The following HPSE2 variants were observed in gnomAD, a reference collection of about 807,000 sequenced individuals.
HPSE2 encodes the protein inactive heparanase-2.
HPSE2 carries 38 observed loss-of-function variants against 60.5 expected under a neutral mutation model. The observed-to-expected ratio is 0.63, with a 90% CI of 0.48 to 0.82. The LOEUF is 0.82. HPSE2 is among the 40% of genes least tolerant of loss of function. The probability of loss-of-function intolerance (pLI) is 0.00; values close to 1 mark genes in which losing one functional copy is unlikely to be tolerated. For missense variants in HPSE2, 713 were observed against 740.4 expected, an observed-to-expected ratio of 0.96 and a Z score of 0.43; for synonymous variants, 295 against 293.2, an observed-to-expected ratio of 1.01 and a Z score of -0.06.
chr10:98,466,610 C>CAAAAA (rs397965207), intron 11 of HPSE2, among the ~76,000 whole-genome samples: 1 of 78,970 alleles, frequency 1.3e-5, no homozygotes, highest in African/African-American at 3.8e-5. Flanking sequence ...GACTCCGTCT[C>CAAAAA]AAAAAAAAAA....
chr10:99,148,818 AATC>A (rs1589731964), intron 2 of HPSE2, among the ~76,000 whole-genome samples: 3 of 150,652 alleles, frequency 2.0e-5, no homozygotes, highest in Middle Eastern at 3.2e-3. Flanking sequence ...TCAATCAATC[AATC>A]AATAAAATAG....
At chr10:99,084,736 G>C (rs1843261774) in intron 3 of HPSE2, among the ~76,000 whole-genome samples, 1 of 152,180 alleles carries the variant, frequency 6.6e-6, no homozygotes, top group South Asian at 2.1e-4. Context: ...AGAACCTCTT[G>C]TAAATGCTTG....
chr10:98,930,861 G>T (rs183783295), intron 3 of HPSE2, among the ~76,000 whole-genome samples: 1 of 144,178 alleles, frequency 6.9e-6, no homozygotes, highest in East Asian at 2.0e-4. Context: ...GTAGATTCTG[G>T]ATATTAGCCC....
chr10:99,034,461 G>A (rs1295886697), intron 3 of HPSE2, among the ~76,000 whole-genome samples: 1 of 152,078 alleles, frequency 6.6e-6, no homozygotes, highest in Non-Finnish European at 1.5e-5. Context: ...CCATAGAACT[G>A]TACACCACCA....
At chr10:98,481,122 G>A (rs1206411257) in intron 11 of HPSE2, among the ~76,000 whole-genome samples, 7 of 152,118 alleles carry the variant, frequency 4.6e-5, no homozygotes, top group East Asian at 3.9e-4. Flanking sequence ...TAAGCTCTTC[G>A]GTTCCAGAGG....
At position 99,094,269 on chromosome 10, in the gene HPSE2, A is replaced by C. The variant is rs112965789; in HGVS notation, c.610+49969T>G. Reference sequence around the variant, plus strand: ...AGCTTTATTGAGGCACATATGGTTTAATCTTTGGGACTGTATTGAAACGTT... The same window carrying C: ...AGCTTTATTGAGGCACATATGGTTTCATCTTTGGGACTGTATTGAAACGTT... On this transcript the variant is annotated intron_variant, in intron 3 of 11. Transcript: ENST00000370552. Among the ~76,000 whole-genome samples the C allele has an allele frequency of 7.6e-3, 1,152 of 151,822 alleles. 16 individuals carry two copies. The highest frequency in any genetic ancestry group is 0.027 in the African/African-American group (1,101 of 41,450).
intron 3 of HPSE2, among the ~76,000 whole-genome samples, chr10:99,128,265 T>C (rs775762110): frequency 3.3e-5 from 5 of 152,184 alleles, no homozygotes; most frequent in African/African-American, 9.7e-5. Context: ...CGGAAGATGA[T>C]GTGGCAATTC....
intron 4 of HPSE2, among the ~76,000 whole-genome samples, chr10:98,739,139 G>T (rs1353170919): frequency 6.6e-6 from 1 of 152,146 alleles, no homozygotes; most frequent in African/African-American, 2.4e-5. Context: ...ATACTATGCA[G>T]CCATAAAAAA....
At chr10:98,532,066 C>T (rs1943147193) in intron 9 of HPSE2, among the ~76,000 whole-genome samples, 1 of 152,106 alleles carries the variant, frequency 6.6e-6, no homozygotes, top group Non-Finnish European at 1.5e-5. Flanking sequence ...TAATTCAGAA[C>T]TCTTTATCTG....
At chr10:98,962,928 T>C (rs73333835) in intron 3 of HPSE2, among the ~76,000 whole-genome samples, 2,947 of 152,284 alleles carry the variant, frequency 0.019, 111 homozygotes, top group East Asian at 0.16. Context: ...TTATATTCCC[T>C]AAATAGAAGT....
At chr10:99,105,795 C>T (rs1428380855) in intron 3 of HPSE2, among the ~76,000 whole-genome samples, 3 of 151,802 alleles carry the variant, frequency 2.0e-5, no homozygotes, top group Non-Finnish European at 2.9e-5. Flanking sequence ...AGCTAAACTT[C>T]GTGTGTGGTC....
At chr10:98,922,346 C>G (rs1954305050) in intron 3 of HPSE2, among the ~76,000 whole-genome samples, 1 of 152,124 alleles carries the variant, frequency 6.6e-6, no homozygotes, top group African/African-American at 2.4e-5. Context: ...AAGACCAAGA[C>G]ACTGTTATGG....
intron 6 of HPSE2, among the ~76,000 whole-genome samples, chr10:98,671,423 C>T (rs1947503719): frequency 6.6e-6 from 1 of 152,174 alleles, no homozygotes; most frequent in Non-Finnish European, 1.5e-5. Flanking sequence ...GTATTACTCA[C>T]ATAGTTTCAT....
intron 3 of HPSE2, among the ~76,000 whole-genome samples, chr10:98,767,234 C>T (rs1950140432): frequency 6.6e-6 from 1 of 152,006 alleles, no homozygotes; most frequent in Non-Finnish European, 1.5e-5. Flanking sequence ...GACTGAAAGG[C>T]TATTTGCAAT....
At chr10:98,755,355 G>A (rs2134367717) in intron 3 of HPSE2, among the ~76,000 whole-genome samples, 1 of 152,222 alleles carries the variant, frequency 6.6e-6, no homozygotes, top group South Asian at 2.1e-4. Context: ...CAACACTGGA[G>A]CACCCAGATT....
intron 3 of HPSE2, among the ~76,000 whole-genome samples, chr10:99,058,384 T>C (rs1958161193): frequency 6.6e-6 from 1 of 152,194 alleles, no homozygotes; most frequent in Non-Finnish European, 1.5e-5. Flanking sequence ...GTGTTGTCAC[T>C]TCCATTTCCT....
intron 3 of HPSE2, among the ~76,000 whole-genome samples, chr10:98,765,356 T>A (rs982647918): frequency 5.9e-5 from 9 of 152,150 alleles, no homozygotes; most frequent in Non-Finnish European, 1.0e-4. Context: ...AAAGGTAACA[T>A]CTGGAAAATT....
intron 6 of HPSE2, among the ~76,000 whole-genome samples, chr10:98,647,833 T>A (rs1462952615): frequency 6.6e-6 from 1 of 152,182 alleles, no homozygotes; most frequent in Non-Finnish European, 1.5e-5. Context: ...AACGCTTAGA[T>A]GAAATGAACA....
chr10:99,243,596 A>T, the HPSE2 span, among the ~76,000 whole-genome samples: 4 of 152,208 alleles, frequency 2.6e-5, no homozygotes, highest in Non-Finnish European at 5.9e-5. Flanking sequence ...CATATTAATC[A>T]ATCTTAAAGA....
Sources: gnomAD v4.1 joint callset for allele counts (sites outside exome capture counted in the v4.1 genomes callset) on GRCh38, gnomAD v4.1.1 for gene constraint, MANE v1.5 for transcripts, NCBI Gene and HGNC (gene_info 2026-07-23, HGNC 2026-07-21) for gene names.